The following SLC35B4 variants were observed in gnomAD, a reference collection of about 807,000 sequenced individuals.
The protein encoded by SLC35B4 is solute carrier family 35 member B4.
SLC35B4 carries 28 observed loss-of-function variants against 39.5 expected under a neutral mutation model. The observed-to-expected ratio is 0.71, with a 90% confidence interval of 0.53 to 0.97. The LOEUF (loss-of-function observed/expected upper bound fraction) is 0.97. SLC35B4 is among the 50% of genes least tolerant of loss of function. The pLI, the probability that SLC35B4 is intolerant of heterozygous loss-of-function variation, is 0.00. For synonymous variants in SLC35B4, 145 were observed against 150.4 expected, an observed-to-expected ratio of 0.96 and a Z score of 0.26; for missense variants, 334 against 414.3, an observed-to-expected ratio of 0.81 and a Z score of 1.68.
At chr7:134,319,854 C>T (rs925733220), upstream of SLC35B4, among the ~76,000 whole-genome samples, 5 of 152,222 alleles carry the variant, frequency 3.3e-5, no homozygotes, top group Non-Finnish European at 7.4e-5. Flanking sequence ...CTTTATATCC[C>T]ATCGGTTCCA....
intron 1 of SLC35B4, among the ~76,000 whole-genome samples, chr7:134,312,473 A>G (rs1050510083): frequency 2.6e-5 from 4 of 152,038 alleles, no homozygotes; most frequent in Admixed American, 6.6e-5. Context: ...GATGCGAAGG[A>G]GGACGTCAGA....
Position 134,306,721 on chromosome 7 carries a change from T to A in SLC35B4, c.245A>T (p.Tyr82Phe). Residue 82 changes from tyrosine (Y) to phenylalanine (F), a missense_variant, in exon 3 of 10, where the codon TAT becomes TTT. Transcript: ENST00000378509. ...CATGGCAATGTTGAGATTCAGGGCA[T>A]AGTTGTTCACCACGCTCACGGTGAA... ...MFFTVSVVNN[Y>F]ALNLNIAMPL... The A allele has an allele frequency of 6.2e-7, 1 of 1,614,078 alleles. No homozygotes were observed. The highest frequency in any genetic ancestry group is 8.5e-7 in the Non-Finnish European group (1 of 1,180,010).
In SLC35B4 at chr7:134,294,713, C is replaced by G; in HGVS notation, c.*120G>C. The G allele has an allele frequency of 7.5e-7, 1 of 1,337,284 alleles. No individual in the cohort carries two copies. The highest frequency in any genetic ancestry group is 1.4e-5 in the South Asian group (1 of 69,348). The allele number at this position is 1,337,284 out of a possible 1,614,324, so 82.8% of individuals were successfully genotyped here. On this transcript the variant is annotated 3_prime_UTR_variant, in exon 10 of 10. Coordinates refer to ENST00000378509, the MANE Select transcript of SLC35B4 (RefSeq NM_032826.5). Reference sequence around the variant, plus strand: ...TGAGAAGTCCCCTCCTGAAGATTTCCTTTTGCACGGCTGGCTCAGCACTGC... The same window carrying G: ...TGAGAAGTCCCCTCCTGAAGATTTCGTTTTGCACGGCTGGCTCAGCACTGC...
chr7:134,311,186 G>A (rs1157252676), intron 1 of SLC35B4, among the ~76,000 whole-genome samples: 2 of 152,118 alleles, frequency 1.3e-5, no homozygotes, highest in African/African-American at 4.8e-5. Context: ...TATGTTCAAA[G>A]GACAAGGCTA....
intron 8 of SLC35B4, 95 bp from the exon 9 acceptor site, chr7:134,296,561 A>G: frequency 1.2e-6 from 1 of 815,546 alleles, no homozygotes; most frequent in Non-Finnish European, 2.0e-6. Context: ...CATAATAGGA[A>G]CAGCAACATT....
intron 6 of SLC35B4, 109 bp downstream of exon 6, chr7:134,301,652 G>T: frequency 2.0e-6 from 2 of 1,009,020 alleles, no homozygotes; most frequent in Non-Finnish European, 3.1e-6. Flanking sequence ...CTCTTCCATG[G>T]CATAATTTGT....
At chr7:134,300,406 CATT>C (rs761888574) in intron 6 of SLC35B4, 145 bp from the exon 7 acceptor site, 4 of 552,788 alleles carry the variant, frequency 7.2e-6, no homozygotes, top group Non-Finnish European at 1.2e-5. Flanking sequence ...AATAAAAATA[CATT>C]ATTACCATCT....
chr7:134,295,514 C>T (rs1232606104), intron 9 of SLC35B4, among the ~76,000 whole-genome samples: 1 of 152,080 alleles, frequency 6.6e-6, no homozygotes, highest in African/African-American at 2.4e-5. Context: ...ATTTCAAAGA[C>T]ATAATTATTT....
At chr7:134,296,844 C>T (rs1235630241) in intron 8 of SLC35B4, among the ~76,000 whole-genome samples, 1 of 152,216 alleles carries the variant, frequency 6.6e-6, no homozygotes, top group Non-Finnish European at 1.5e-5. Context: ...GAAGTATGTT[C>T]AATCACACTA....
intron 8 of SLC35B4, among the ~76,000 whole-genome samples, chr7:134,298,225 GA>G (rs2117284193): frequency 6.6e-6 from 1 of 152,222 alleles, no homozygotes; most frequent in South Asian, 2.1e-4. Context: ...TATTATCTTT[GA>G]TATCCTTAGC....
At chr7:134,315,675 A>G (rs1206679345) in intron 1 of SLC35B4, among the ~76,000 whole-genome samples, 1 of 151,942 alleles carries the variant, frequency 6.6e-6, no homozygotes, top group East Asian at 1.9e-4. Flanking sequence ...AACACCAAAT[A>G]ACACCCGTTC....
upstream of SLC35B4, chr7:134,317,089 G>T (rs1308285552): frequency 1.1e-5 from 3 of 262,638 alleles, no homozygotes; most frequent in African/African-American, 2.2e-5. Context: ...GGGACGAGGT[G>T]CCCGGCATGA....
intron 1 of SLC35B4, among the ~76,000 whole-genome samples, chr7:134,314,049 G>A (rs1585647904): frequency 2.2e-5 from 1 of 44,998 alleles, no homozygotes; most frequent in African/African-American, 8.5e-5. Flanking sequence ...AAAGATAAGT[G>A]ATGATTTATT....
rs923271578 is a variant in SLC35B4 at position 134,289,556 on chromosome 7, G to A, written c.*5277C>T. On this transcript the variant is annotated 3_prime_UTR_variant, in exon 10 of 10. Transcript: ENST00000378509. Reference sequence around the variant, plus strand: ...GTAATACTGTATGAAGAGCTCAGACGGGATGAATAAAATCCCCGCCGTCCC... The same window carrying A: ...GTAATACTGTATGAAGAGCTCAGACAGGATGAATAAAATCCCCGCCGTCCC... The A allele has an allele frequency of 1.3e-5, 2 of 152,536 alleles. No individual in the cohort carries two copies. The highest frequency in any genetic ancestry group is 1.9e-4 in the East Asian group (1 of 5,194). The allele number at this position is 152,536 out of a possible 1,614,324, so 9.4% of individuals were successfully genotyped here.
At position 134,289,558 on chromosome 7, in the gene SLC35B4, G is replaced by A. The variant is rs1803290924; in HGVS notation, c.*5275C>T. The A allele has an allele frequency of 6.6e-6, 1 of 152,542 alleles. No individual in the cohort carries two copies. Among genetic ancestry groups the A allele is most frequent in the Non-Finnish European group, 1.5e-5 (1 of 68,036 alleles). The allele number at this position is 152,542 out of a possible 1,614,324, so 9.4% of individuals were successfully genotyped here. On this transcript the variant is annotated 3_prime_UTR_variant, in exon 10 of 10. Transcript: ENST00000378509. ...AATACTGTATGAAGAGCTCAGACGG[G>A]ATGAATAAAATCCCCGCCGTCCCTC...
chr7:134,299,673 TA>T, intron 7 of SLC35B4, 75 bp from the exon 8 acceptor site: 2 of 1,307,872 alleles, frequency 1.5e-6, no homozygotes, highest in Non-Finnish European at 2.2e-6. Flanking sequence ...TTACAATGAT[TA>T]AAAGTCGTAC....
At chr7:134,316,525 A>T (rs1361923828) in intron 1 of SLC35B4, 150 bp downstream of exon 1, 2 of 747,198 alleles carry the variant, frequency 2.7e-6, no homozygotes, top group African/African-American at 3.6e-5. Context: ...CCCAGACAGG[A>T]CGGATTGCTG....
At chr7:134,303,226 A>G (rs1398426198) in intron 4 of SLC35B4, among the ~76,000 whole-genome samples, 31 of 152,194 alleles carry the variant, frequency 2.0e-4, no homozygotes, top group Admixed American at 1.3e-4. Context: ...AAAGGCTTAG[A>G]TAGATGCAAG....
Position 134,289,920 on chromosome 7 carries a change from G to C in SLC35B4, c.*4913C>G, listed in dbSNP as rs893083131. ...CACTTGATTAAAATTGACAAATTTTGGTAGGACGGTTACCAATTTAAGTAG... is the reference window on the plus strand; with the variant it reads ...CACTTGATTAAAATTGACAAATTTTCGTAGGACGGTTACCAATTTAAGTAG... On this transcript the variant is annotated 3_prime_UTR_variant, in exon 10 of 10. Transcript: ENST00000378509. The C allele has an allele frequency of 2.0e-5, 3 of 152,016 alleles. No homozygotes were observed. Among genetic ancestry groups the C allele is most frequent in the Admixed American group, 1.3e-4 (2 of 15,274 alleles). The allele number at this position is 152,016 out of a possible 1,614,324, so 9.4% of individuals were successfully genotyped here.
Sources: gnomAD v4.1 joint callset for allele counts (sites outside exome capture counted in the v4.1 genomes callset) on GRCh38, gnomAD v4.1.1 for gene constraint, MANE v1.5 for transcripts, NCBI Gene and HGNC (gene_info 2026-07-23, HGNC 2026-07-21) for gene names.